CIAO1: variants seen among roughly 807,000 people sequenced by gnomAD.
CIAO1 encodes the protein probable cytosolic iron-sulfur protein assembly protein CIAO1.
Under a neutral mutation model 43.1 loss-of-function variants are expected in CIAO1, and 32 were observed. The observed-to-expected ratio is 0.74, with a 90% CI of 0.56 to 1.00. CIAO1 has a LOEUF of 1.00. Among genes scored for constraint, CIAO1 ranks in the 50% least tolerant of loss-of-function variants. The pLI, the probability that CIAO1 is intolerant of heterozygous loss-of-function variation, is 0.00. For missense variants in CIAO1, 415 were observed against 437.4 expected, an observed-to-expected ratio of 0.95 and a Z score of 0.46; for synonymous variants, 183 against 171.4, an observed-to-expected ratio of 1.07 and a Z score of -0.53.
intron 4 of CIAO1, 54 bp from the exon 5 acceptor site, chr2:96,268,403 T>G: frequency 1.5e-5 from 23 of 1,500,618 alleles, no homozygotes; most frequent in Non-Finnish European, 2.0e-5. Flanking sequence ...GACCTGTCCT[T>G]TGCTTCCTGG....
intron 5 of CIAO1, chr2:96,268,948 TAATGCATTTA>T: frequency 1.8e-6 from 1 of 565,686 alleles, no homozygotes. Flanking sequence ...TGAGGGGTGG[TAATGCATTTA>T]AATGGGGCAT....
At chr2:96,268,912 G>A (rs1451309182) in intron 5 of CIAO1, 6 of 569,378 alleles carry the variant, frequency 1.1e-5, no homozygotes, top group Non-Finnish European at 3.1e-6. Flanking sequence ...TGTGAGTAAA[G>A]ATAACAATGG....
At chr2:96,270,892 C>T (rs1314306923) in intron 6 of CIAO1, among the ~76,000 whole-genome samples, 1 of 151,460 alleles carries the variant, frequency 6.6e-6, no homozygotes, top group Non-Finnish European at 1.5e-5. Context: ...AATTGCATGT[C>T]GTTTTTTAGG....
chr2:96,269,231 T>C (rs758142894), intron 5 of CIAO1, 37 bp from the exon 6 acceptor site: 1 of 1,585,498 alleles, frequency 6.3e-7, no homozygotes, highest in African/African-American at 1.3e-5. Context: ...GCCCAGGACA[T>C]AGGAACGTTT....
rs966393491 is a variant in CIAO1 at position 96,273,556 on chromosome 2, G to A, written c.*2205G>A. ...AGATCCCTTGTAGTCCCAGCTACTC[G>A]GGAGGCTGAGGCAGGAGAATAGCTT... On this transcript the variant is annotated 3_prime_UTR_variant, in exon 7 of 7. Coordinates refer to ENST00000488633, the MANE Select transcript of CIAO1 (RefSeq NM_004804.3). Among the ~76,000 whole-genome samples, 3 of 151,692 alleles carry A rather than the reference G, an allele frequency of 2.0e-5. No homozygotes were observed. The highest frequency in any genetic ancestry group is 2.1e-4 in the South Asian group (1 of 4,808).
chr2:96,268,194 A>T (rs1684474230), intron 4 of CIAO1, among the ~76,000 whole-genome samples: 1 of 152,154 alleles, frequency 6.6e-6, no homozygotes, highest in South Asian at 2.1e-4. Context: ...TCTCTACTAA[A>T]AATACAAAAT....
At chr2:96,267,200 G>T in intron 1 of CIAO1, 121 bp from the exon 2 acceptor site, 1 of 546,852 alleles carries the variant, frequency 1.8e-6, no homozygotes, top group Non-Finnish European at 2.7e-6. Flanking sequence ...CTTTGTAAAA[G>T]CTGTGAAATA....
chr2:96,268,917 C>A, intron 5 of CIAO1: 1 of 567,596 alleles, frequency 1.8e-6, no homozygotes, highest in Non-Finnish European at 3.1e-6. Context: ...GTAAAGATAA[C>A]AATGGCGGGA....
intron 6 of CIAO1, among the ~76,000 whole-genome samples, chr2:96,270,185 T>G (rs1684519158): frequency 2.6e-5 from 4 of 152,208 alleles, no homozygotes; most frequent in Admixed American, 2.6e-4. Context: ...GCTTGTTGTA[T>G]CACTGTTTAA....
In CIAO1 at chr2:96,271,211, C is replaced by A; in HGVS notation, c.880C>A (p.Leu294Met). The change falls in exon 7 of 7, where the codon CTG becomes ATG. Residue 294 changes from leucine to methionine, a missense_variant. By Grantham distance (15) the Leu-to-Met change is conservative. Transcript: ENST00000488633. ...GGATCCACAGCAGCCCACCTTCTCC[C>A]TGACAGCCCACTTGCATCAGGCCCA... ...NSDPQQPTFS[L>M]TAHLHQAHSQ... 1 of 1,614,268 alleles carries A rather than the reference C, an allele frequency of 6.2e-7. No homozygotes were observed. The highest frequency in any genetic ancestry group is 1.3e-5 in the African/African-American group (1 of 75,080).
At chr2:96,268,759 G>A in intron 5 of CIAO1, 101 bp downstream of exon 5, 1 of 1,219,288 alleles carries the variant, frequency 8.2e-7, no homozygotes, top group Non-Finnish European at 1.2e-6. Flanking sequence ...TAAAAGGTAA[G>A]ATGTGCTACA....
At chr2:96,269,628 T>C (rs1210917743) in intron 6 of CIAO1, among the ~76,000 whole-genome samples, 1 of 152,096 alleles carries the variant, frequency 6.6e-6, no homozygotes, top group African/African-American at 2.4e-5. Context: ...TGAATCTGCA[T>C]TCGTGGCTGA....
intron 6 of CIAO1, among the ~76,000 whole-genome samples, chr2:96,270,622 C>T (rs1204846700): frequency 6.6e-6 from 1 of 151,772 alleles, no homozygotes; most frequent in Admixed American, 6.6e-5. Context: ...CCAGCCTGTC[C>T]AATGTGATAA....
At chr2:96,267,589 C>T in intron 2 of CIAO1, 36 bp from the exon 3 acceptor site, 1 of 1,610,020 alleles carries the variant, frequency 6.2e-7, no homozygotes, top group African/African-American at 1.3e-5. Context: ...GGGGTGTTAG[C>T]TGCTGTTAAT....
chr2:96,268,541 G>A lies in CIAO1; in HGVS notation c.574G>A (p.Gly192Ser). Residue 192 changes from glycine to serine, a missense_variant, in exon 5 of 7, where the codon GGC becomes AGC. By Grantham distance (56) the Gly-to-Ser change is moderately conservative. Transcript: ENST00000488633. ...CTGGGTATGCTGTGCCACCCTTGAG[G>A]GCCATGAATCCACTGTGTGGAGCTT... ...DDWVCCATLE[G>S]HESTVWSLAF... 6.2e-7 allele frequency: 1 copy of A among 1,614,210 alleles called. No homozygotes were observed.
Position 96,267,886 on chromosome 2 carries a change from C to A in CIAO1, c.451C>A (p.Gln151Lys). ...TGTCAGTGTTCTCAACTCCCACACA[C>A]AGGATGTCAAGCATGTGGTTTGGCA... is the stretch of plus-strand genomic sequence containing the variant. ...ECVSVLNSHT[Q>K]DVKHVVWHPS... The change falls in exon 4 of 7, where the codon CAG (glutamine) becomes AAG (lysine). Residue 151 changes from glutamine to lysine, a missense_variant. By Grantham distance (53) the Gln-to-Lys change is moderately conservative. Coordinates refer to ENST00000488633, the MANE Select transcript of CIAO1 (RefSeq NM_004804.3). 1 of 1,614,170 alleles carries A rather than the reference C, an allele frequency of 6.2e-7. No individual in the cohort carries two copies. The highest frequency in any genetic ancestry group is 8.5e-7 in the Non-Finnish European group (1 of 1,180,026).
chr2:96,269,882 T>A (rs1684513141), intron 6 of CIAO1, among the ~76,000 whole-genome samples: 1 of 152,012 alleles, frequency 6.6e-6, no homozygotes, highest in Non-Finnish European at 1.5e-5. Context: ...CCTGACCTCA[T>A]GATCCGCCCA....
Position 96,267,721 on chromosome 2 carries a change from G to C in CIAO1, c.385G>C (p.Val129Leu). Residue 129 changes from valine (V) to leucine (L), a missense_variant, in exon 3 of 7, where the codon GTT (valine) becomes CTT (leucine). Val to Leu is a conservative substitution (Grantham distance 32). Coordinates refer to ENST00000488633, the MANE Select transcript of CIAO1 (RefSeq NM_004804.3). ...GGCCACTTGCAGCCGAGATAAGAGC[G>C]TTTGGGTCTGGGAAGGTGAGGCCAG... The part of the protein sequence containing the change: ...LLATCSRDKS[V>L]WVWEVDEEDE... 2.5e-6 allele frequency: 4 copies of C among 1,614,188 alleles called. No individual in the cohort carries two copies. The highest frequency in any genetic ancestry group is 3.4e-6 in the Non-Finnish European group (4 of 1,180,030).
At chr2:96,267,784 C>A (rs1558758180) in intron 3 of CIAO1, 48 bp downstream of exon 3, 1 of 1,611,694 alleles carries the variant, frequency 6.2e-7, no homozygotes, top group Admixed American at 1.7e-5. Flanking sequence ...TGACAGCCCC[C>A]TCTGTGTCCC....
Sources: allele counts gnomAD v4.1 joint callset (sites outside exome capture counted in the v4.1 genomes callset), GRCh38; gene constraint gnomAD v4.1.1; transcripts MANE v1.5; gene names NCBI Gene and HGNC (gene_info 2026-07-23, HGNC 2026-07-21).